SUGCT: variants seen among roughly 807,000 people sequenced by gnomAD.
SUGCT encodes the protein succinyl-CoA:glutarate-CoA transferase.
In SUGCT, 41 loss-of-function variants were observed where a neutral mutation model predicts 55.0. The observed-to-expected ratio is 0.74, with a 90% confidence interval of 0.58 to 0.97. SUGCT has a LOEUF of 0.97. Ranked by LOEUF, SUGCT falls within the 50% of genes least tolerant of loss-of-function variation. The pLI is 0.00. For missense variants in SUGCT, 568 were observed against 547.8 expected (o/e 1.04, Z -0.37); for synonymous variants, 187 against 200.4 (o/e 0.93, Z 0.56).
chr7:40,629,070 T>C (rs1799661745), intron 12 of SUGCT, among the ~76,000 whole-genome samples: 1 of 152,180 alleles, frequency 6.6e-6, no homozygotes, highest in Admixed American at 6.5e-5. Flanking sequence ...CTTAGGTTCC[T>C]CCTCATAGGT....
chr7:40,763,703 T>C (rs887548447), intron 13 of SUGCT, among the ~76,000 whole-genome samples: 2 of 152,132 alleles, frequency 1.3e-5, no homozygotes, highest in East Asian at 1.9e-4. Context: ...ATTCATATGG[T>C]ATATGGAGGA....
intron 13 of SUGCT, among the ~76,000 whole-genome samples, chr7:40,809,996 A>G (rs1181717959): frequency 6.6e-6 from 1 of 152,138 alleles, no homozygotes; most frequent in East Asian, 1.9e-4. Context: ...TCCATGGTGT[A>G]TATATACCAC....
At chr7:40,957,918 A>G in the SUGCT span, among the ~76,000 whole-genome samples, 5 of 152,110 alleles carry the variant, frequency 3.3e-5, no homozygotes, top group African/African-American at 1.2e-4. Context: ...TCCTTCACTT[A>G]TGAAGCTTAG....
chr7:40,640,899 C>T (rs1292477919), intron 12 of SUGCT, among the ~76,000 whole-genome samples: 1 of 152,214 alleles, frequency 6.6e-6, no homozygotes, highest in Non-Finnish European at 1.5e-5. Flanking sequence ...GGGACTTGGA[C>T]CTGGCTGGAA....
At chr7:40,376,379 A>C (rs1032313936) in intron 9 of SUGCT, among the ~76,000 whole-genome samples, 7 of 151,814 alleles carry the variant, frequency 4.6e-5, no homozygotes, top group Admixed American at 2.0e-4. Flanking sequence ...ATTTTTATCT[A>C]ATGTATCTTT....
At chr7:40,493,138 A>G (rs1791785141) in intron 11 of SUGCT, among the ~76,000 whole-genome samples, 2 of 152,174 alleles carry the variant, frequency 1.3e-5, no homozygotes, top group Admixed American at 1.3e-4. Context: ...TACAGTCATT[A>G]TGTGTTAGAA....
intron 6 of SUGCT, among the ~76,000 whole-genome samples, chr7:40,223,118 T>A (rs1788136146): frequency 6.6e-6 from 1 of 151,880 alleles, no homozygotes; most frequent in Non-Finnish European, 1.5e-5. Flanking sequence ...TGGAGTGCAG[T>A]GGCATGATCT....
At chr7:40,292,282 A>T (rs189189470) in intron 8 of SUGCT, among the ~76,000 whole-genome samples, 203 of 152,154 alleles carry the variant, frequency 1.3e-3, no homozygotes, top group Non-Finnish European at 2.1e-3. Context: ...GGATTAACAC[A>T]TTGTTGAGAG....
rs540217698 is a variant in SUGCT, at chr7:40,668,912, G to A, written c.1090-80522G>A. On this transcript the variant is annotated intron_variant, in intron 12 of 13. Transcript: ENST00000335693. ...AGCCTAGACTTCTACCCTTGTCAGG[G>A]TATAATGAGACACTCCAACCCCCCT... Among the ~76,000 whole-genome samples the A allele has an allele frequency of 2.0e-5, 3 of 152,206 alleles. No individual in the cohort carries two copies. The East Asian group carries it at 5.8e-4, about 29-fold the overall frequency.
chr7:40,490,521 T>C (rs1441251598), intron 11 of SUGCT, among the ~76,000 whole-genome samples: 1 of 152,188 alleles, frequency 6.6e-6, no homozygotes, highest in Non-Finnish European at 1.5e-5. Flanking sequence ...AGAGAATTGT[T>C]CTTCTTACCA....
chr7:40,437,673 G>A (rs1432758603), intron 9 of SUGCT, among the ~76,000 whole-genome samples: 1 of 152,122 alleles, frequency 6.6e-6, no homozygotes, highest in African/African-American at 2.4e-5. Context: ...GTCAGTGGTA[G>A]GAAATAGTGC....
At position 40,860,593 on chromosome 7, in the gene SUGCT, A is replaced by C; in HGVS notation, c.*114A>C. 2 of 1,129,050 alleles carry C rather than the reference A, an allele frequency of 1.8e-6. No homozygotes were observed. Among genetic ancestry groups the C allele is most frequent in the Non-Finnish European group, 2.4e-6 (2 of 834,524 alleles). 69.9% of individuals were successfully genotyped at this position (1,129,050 alleles called of 1,614,324 possible). A position where few individuals can be genotyped will look rare whatever the true frequency, so the allele number is the denominator to read the frequency against. ...ACCACTAAAAAGAAGATTTAGAGTA[A>C]CTCCAGATTTCTTACATGGCATCTC... On this transcript the variant is annotated 3_prime_UTR_variant, in exon 14 of 14. Transcript: ENST00000335693.
At chr7:40,432,570 C>T (rs1210081731) in intron 9 of SUGCT, among the ~76,000 whole-genome samples, 3 of 151,670 alleles carry the variant, frequency 2.0e-5, no homozygotes, top group Non-Finnish European at 4.4e-5. Context: ...CCTGTAATCC[C>T]AGCTACTCGG....
chr7:40,410,565 G>A (rs1318158067), intron 9 of SUGCT, among the ~76,000 whole-genome samples: 1 of 152,112 alleles, frequency 6.6e-6, no homozygotes, highest in Non-Finnish European at 1.5e-5. Flanking sequence ...CTGAGATCGA[G>A]TAGTGGCAAT....
Position 40,135,014 on chromosome 7 carries a change from G to A in SUGCT, c.-7G>A, listed in dbSNP as rs1787595529. ...CACCGGGACCGATGCCATCTGAGACGCACGCGATGCTGGCGACGCTGGCGA... is the reference window on the plus strand; with the variant it reads ...CACCGGGACCGATGCCATCTGAGACACACGCGATGCTGGCGACGCTGGCGA... On this transcript the variant is annotated 5_prime_UTR_variant, in exon 1 of 14. Transcript: ENST00000335693. 4 of 1,558,186 alleles carry A rather than the reference G, an allele frequency of 2.6e-6. No homozygotes were observed. Among genetic ancestry groups the A allele is most frequent in the Non-Finnish European group, 3.5e-6 (4 of 1,153,062 alleles).
the SUGCT span, among the ~76,000 whole-genome samples, chr7:40,936,099 A>T: frequency 6.6e-6 from 1 of 151,998 alleles, no homozygotes; most frequent in Non-Finnish European, 1.5e-5. Context: ...TTTATTTTTG[A>T]ATTGTAAGAT....
the SUGCT span, among the ~76,000 whole-genome samples, chr7:40,916,573 A>G: frequency 3.9e-5 from 6 of 152,230 alleles, no homozygotes; most frequent in African/African-American, 9.6e-5. Flanking sequence ...ATAGCATCCT[A>G]TCATAACTGA....
intron 13 of SUGCT, among the ~76,000 whole-genome samples, chr7:40,770,941 T>C (rs1789068169): frequency 2.0e-5 from 3 of 152,178 alleles, no homozygotes; most frequent in Admixed American, 2.0e-4. Flanking sequence ...GATCACTTTA[T>C]GGCCTAGCAC....
chr7:40,643,751 A>G (rs1211263826), intron 12 of SUGCT, among the ~76,000 whole-genome samples: 1 of 152,186 alleles, frequency 6.6e-6, no homozygotes, highest in Admixed American at 6.5e-5. Context: ...TGAGGCCCGT[A>G]AAATGGAAAC....
Sources: gnomAD v4.1 joint callset for allele counts (sites outside exome capture counted in the v4.1 genomes callset) on GRCh38, gnomAD v4.1.1 for gene constraint, MANE v1.5 for transcripts, NCBI Gene and HGNC (gene_info 2026-07-23, HGNC 2026-07-21) for gene names.